KIAA0825: variants seen among roughly 807,000 people sequenced by gnomAD.
The protein encoded by KIAA0825 is uncharacterized protein KIAA0825.
KIAA0825 carries 119 observed loss-of-function variants against 147.6 expected under a neutral mutation model. That is an observed-to-expected ratio of 0.81 (90% CI 0.69 to 0.94). KIAA0825 has a LOEUF of 0.94. KIAA0825 is among the 40% of genes least tolerant of loss of function. KIAA0825 has a pLI of 0.00. For synonymous variants in KIAA0825, 470 were observed against 518.1 expected, an observed-to-expected ratio of 0.91 and a Z score of 1.26; for missense variants, 1,381 against 1,472.7, an observed-to-expected ratio of 0.94 and a Z score of 1.02.
intron 2 of KIAA0825, among the ~76,000 whole-genome samples, chr5:94,563,841 T>C (rs1338051706): frequency 6.6e-6 from 1 of 152,014 alleles, no homozygotes; most frequent in African/African-American, 2.4e-5. Context: ...CCTGCCACCA[T>C]GCCCAGCTAA....
chr5:94,444,647 TAATA>T (rs1421381569), intron 13 of KIAA0825, among the ~76,000 whole-genome samples: 2 of 152,068 alleles, frequency 1.3e-5, no homozygotes, highest in Non-Finnish European at 2.9e-5. Flanking sequence ...AAGAATGTAA[TAATA>T]AATATCACTT....
chr5:94,172,431 G>C (rs961044691), intron 20 of KIAA0825, among the ~76,000 whole-genome samples: 14 of 152,344 alleles, frequency 9.2e-5, no homozygotes, highest in Admixed American at 3.9e-4. Flanking sequence ...AGATCTCATA[G>C]ACTAAGTATT....
At chr5:94,436,937 A>G (rs1057322447) in intron 14 of KIAA0825, among the ~76,000 whole-genome samples, 2 of 152,158 alleles carry the variant, frequency 1.3e-5, no homozygotes, top group Non-Finnish European at 2.9e-5. Context: ...GTTGGTATAC[A>G]GAAATGCTAG....
intron 3 of KIAA0825, among the ~76,000 whole-genome samples, chr5:94,533,133 C>T (rs1265463439): frequency 1.3e-5 from 2 of 151,592 alleles, no homozygotes; most frequent in Non-Finnish European, 2.9e-5. Flanking sequence ...CGCCCGCCAC[C>T]ACGCCCGGCT....
chr5:94,569,116 T>G (rs141176915), intron 2 of KIAA0825: 18 of 176,726 alleles, frequency 1.0e-4, no homozygotes, highest in African/African-American at 4.3e-4. Context: ...ACTATTAAAA[T>G]TCACCACAAT....
chr5:94,548,722 A>G (rs1481946577), intron 2 of KIAA0825, among the ~76,000 whole-genome samples: 4 of 152,194 alleles, frequency 2.6e-5, no homozygotes, highest in Admixed American at 6.5e-5. Flanking sequence ...GGATGGAGAA[A>G]GATATTCCAT....
intron 20 of KIAA0825, among the ~76,000 whole-genome samples, chr5:94,296,063 C>T (rs1417241905): frequency 6.6e-6 from 1 of 152,194 alleles, no homozygotes; most frequent in Non-Finnish European, 1.5e-5. Flanking sequence ...ATCTATAAGC[C>T]ACTGACTGGG....
chr5:94,493,400 C>T (rs1392046639), intron 5 of KIAA0825, among the ~76,000 whole-genome samples: 1 of 152,182 alleles, frequency 6.6e-6, no homozygotes, highest in East Asian at 1.9e-4. Flanking sequence ...CACTGATTAG[C>T]ACAAAGTAGC....
Position 94,311,104 on chromosome 5 carries a change from T to C in KIAA0825, c.3710+73264A>G, listed in dbSNP as rs141153341. The stretch of plus-strand genomic sequence containing the variant: ...TAGGTTTATGCCATTGCATTTTTTT[T>C]CAGTAACAGAAACTTCATTGGCCTA... On this transcript the variant is annotated intron_variant, in intron 20 of 20. Transcript: ENST00000682413. 2.3e-3 allele frequency among the ~76,000 whole-genome samples: 347 copies of C among 151,756 alleles called. 1 individual carries two copies. Among genetic ancestry groups the C allele is most frequent in the African/African-American group, 8.1e-3 (336 of 41,492 alleles).
At position 94,524,102 on chromosome 5, in the gene KIAA0825, T is replaced by C. The variant is rs1554299355; in HGVS notation, c.132-4A>G. On this transcript the variant is annotated splice_polypyrimidine_tract_variant and splice_region_variant and intron_variant, in intron 3 of 20. Coordinates refer to ENST00000682413, the MANE Select transcript of KIAA0825 (RefSeq NM_001145678.3). ...CTCTTTAATGCAATGTTTTATGCTA[T>C]AAAAAACAGAAGAAAAAGTTATTTT... The C allele has an allele frequency of 1.9e-6, 3 of 1,586,160 alleles. No individual in the cohort carries two copies. The highest frequency in any genetic ancestry group is 1.4e-5 in the African/African-American group (1 of 73,500).
Position 94,464,998 on chromosome 5 carries a change from T to C in KIAA0825, c.1934A>G (p.Asp645Gly), listed in dbSNP as rs1760305063. 7 of 1,551,618 alleles carry C rather than the reference T, an allele frequency of 4.5e-6. No individual in the cohort carries two copies. Among genetic ancestry groups the C allele is most frequent in the South Asian group, 1.2e-5 (1 of 84,058 alleles). ...CTTAGGAGGCAGAATGGTCCAGAGA[T>C]CGTAATGAAGAGACCAGCAGAAATA... Reference protein sequence around the residue: ...WHYFCWSLHYDLWTILPPKLA... With the variant: ...WHYFCWSLHYGLWTILPPKLA... Residue 645 changes from aspartate to glycine, a missense_variant, in exon 11 of 21, where the codon GAT becomes GGT. Physicochemically the swap from Asp to Gly is moderately conservative, Grantham distance 94 (BLOSUM62 -1). Coordinates refer to ENST00000682413, the MANE Select transcript of KIAA0825 (RefSeq NM_001145678.3).
At chr5:94,176,700 C>T (rs142774178) in intron 20 of KIAA0825, among the ~76,000 whole-genome samples, 35 of 152,126 alleles carry the variant, frequency 2.3e-4, no homozygotes, top group East Asian at 1.4e-3. Flanking sequence ...AGGAACTATA[C>T]CCAAAGAGTA....
chr5:94,364,009 G>C (rs73141221), intron 20 of KIAA0825, among the ~76,000 whole-genome samples: 3,343 of 151,940 alleles, frequency 0.022, 141 homozygotes, highest in African/African-American at 0.076. Context: ...GAACAGAACA[G>C]ACCCATGCTT....
intron 10 of KIAA0825, 127 bp from the exon 11 acceptor site, chr5:94,465,186 C>T (rs1163889360): frequency 7.7e-6 from 6 of 778,240 alleles, no homozygotes; most frequent in Non-Finnish European, 1.2e-5. Flanking sequence ...AGAAGACCAA[C>T]AAAGATTTTT....
chr5:94,402,252 TAGAAAA>T (rs2150616390), intron 16 of KIAA0825, among the ~76,000 whole-genome samples: 1 of 152,248 alleles, frequency 6.6e-6, no homozygotes, highest in East Asian at 1.9e-4. Flanking sequence ...CCAAAGTGCT[TAGAAAA>T]AGCAAAATTG....
chr5:94,412,277 A>G (rs1265858013), intron 15 of KIAA0825, among the ~76,000 whole-genome samples: 1 of 152,242 alleles, frequency 6.6e-6, no homozygotes, highest in Non-Finnish European at 1.5e-5. Flanking sequence ...CCTACCCCTT[A>G]GAATAACCAA....
chr5:94,320,925 A>G (rs573078665), intron 20 of KIAA0825, among the ~76,000 whole-genome samples: 2 of 152,230 alleles, frequency 1.3e-5, no homozygotes, highest in South Asian at 4.1e-4. Context: ...TAAGACTTTT[A>G]AAAGTAAGTA....
chr5:94,169,032 T>C (rs1768337357), intron 20 of KIAA0825, among the ~76,000 whole-genome samples: 1 of 152,194 alleles, frequency 6.6e-6, no homozygotes, highest in South Asian at 2.1e-4. Flanking sequence ...TATCAAAAAT[T>C]GAGGGTGATT....
intron 14 of KIAA0825, among the ~76,000 whole-genome samples, chr5:94,426,033 C>T (rs10076227): frequency 0.45 from 66,866 of 147,068 alleles, 15,219 homozygotes; most frequent in Middle Eastern, 0.49. Context: ...TTATTATTAT[C>T]ATTATTATTA....
Sources: allele counts gnomAD v4.1 joint callset (sites outside exome capture counted in the v4.1 genomes callset), GRCh38; gene constraint gnomAD v4.1.1; transcripts MANE v1.5; gene names NCBI Gene and HGNC (gene_info 2026-07-23, HGNC 2026-07-21).